The following PHYH variants were observed in gnomAD, a reference collection of about 807,000 sequenced individuals.
The protein encoded by PHYH is phytanoyl-CoA dioxygenase, peroxisomal.
PHYH carries 32 observed loss-of-function variants against 38.5 expected under a neutral mutation model. That is an observed-to-expected ratio of 0.83 (90% CI 0.63 to 1.12). PHYH has a LOEUF of 1.12. Among genes scored for constraint, PHYH ranks in the 50% most tolerant of loss-of-function variants. The probability of loss-of-function intolerance (pLI) is 0.00; values close to 1 mark genes in which losing one functional copy is unlikely to be tolerated. For missense variants in PHYH, 426 were observed against 434.8 expected, an observed-to-expected ratio of 0.98 and a Z score of 0.18; for synonymous variants, 166 against 157.9, an observed-to-expected ratio of 1.05 and a Z score of -0.38.
chr10:13,299,390 C>T, intron 1 of PHYH: 1 of 990,386 alleles, frequency 1.0e-6, no homozygotes, highest in Non-Finnish European at 1.2e-6. Flanking sequence ...AGACAACAGG[C>T]AAGGCGTGTG....
intron 7 of PHYH, among the ~76,000 whole-genome samples, chr10:13,281,399 GTTTTT>G (rs11430020): frequency 6.9e-6 from 1 of 145,152 alleles, no homozygotes; most frequent in Non-Finnish European, 1.5e-5. Flanking sequence ...GAGGTATTTA[GTTTTT>G]TTTTTTTTTA....
intron 1 of PHYH, chr10:13,299,373 A>C: frequency 2.1e-6 from 2 of 945,666 alleles, no homozygotes; most frequent in Non-Finnish European, 2.6e-6. Flanking sequence ...GGCCCCCAGA[A>C]GAGCCGAGAC....
In PHYH at chr10:13,295,645, T is replaced by A. The variant is rs770684398; in HGVS notation, c.135-39A>T. Reference sequence around the variant, plus strand: ...AGAATCCCAAAATAAGTTACATTTTTAAATTACAGGCTAGGCACAATGGCT... The same window carrying A: ...AGAATCCCAAAATAAGTTACATTTTAAAATTACAGGCTAGGCACAATGGCT... On this transcript the variant is annotated intron_variant, in intron 2 of 8. Coordinates refer to ENST00000263038, the MANE Select transcript of PHYH (RefSeq NM_006214.4). The A allele has an allele frequency of 2.7e-5, 24 of 885,140 alleles. 1 individual carries two copies. Among genetic ancestry groups the A allele is most frequent in the South Asian group, 2.5e-4 (19 of 76,372 alleles). 54.8% of individuals were successfully genotyped at this position (885,140 alleles called of 1,614,324 possible).
intron 6 of PHYH, among the ~76,000 whole-genome samples, chr10:13,285,596 C>A (rs1835527666): frequency 1.5e-5 from 2 of 135,026 alleles, no homozygotes; most frequent in South Asian, 2.6e-4. Flanking sequence ...ATTCCAGGAT[C>A]TTTTCTTTTC....
At position 13,278,597 on chromosome 10, in the gene PHYH, C is replaced by T. The variant is rs138011320; in HGVS notation, c.964-243G>A. Among the ~76,000 whole-genome samples, 977 of 151,452 alleles carry T rather than the reference C, an allele frequency of 6.5e-3. 11 individuals are homozygous for T. The highest frequency in any genetic ancestry group is 0.022 in the South Asian group (105 of 4,770). On this transcript the variant is annotated intron_variant, in intron 8 of 8. Transcript: ENST00000263038. ...CCCCATTGCCCAGGCTGGAGTGCAG[C>T]GGCTCACTGCAACCTCTGCCTCCCG...
intron 4 of PHYH, among the ~76,000 whole-genome samples, chr10:13,293,501 C>T (rs1835762739): frequency 1.3e-5 from 2 of 152,098 alleles, no homozygotes; most frequent in Non-Finnish European, 2.9e-5. Flanking sequence ...TGGGTTTCAC[C>T]ATGTGTCTCA....
chr10:13,284,123 G>T (rs1835486398), intron 6 of PHYH, among the ~76,000 whole-genome samples: 1 of 152,124 alleles, frequency 6.6e-6, no homozygotes, highest in Non-Finnish European at 1.5e-5. Flanking sequence ...AGGAGTTTGA[G>T]ATCAGCCTGG....
chr10:13,288,166 A>C (rs1835601636), intron 6 of PHYH, among the ~76,000 whole-genome samples, 194 bp downstream of exon 6: 1 of 152,210 alleles, frequency 6.6e-6, no homozygotes, highest in African/African-American at 2.4e-5. Flanking sequence ...AAACAAAAAA[A>C]GTGTTGAAAA....
intron 6 of PHYH, among the ~76,000 whole-genome samples, chr10:13,287,208 G>A (rs1564423322): frequency 6.6e-6 from 1 of 151,702 alleles, no homozygotes; most frequent in Non-Finnish European, 1.5e-5. Flanking sequence ...GTGTGGTGGT[G>A]CGCGCCTATA....
chr10:13,283,852 G>A lies in PHYH; in HGVS notation c.679-13C>T, dbSNP rs1303728451. On this transcript the variant is annotated splice_polypyrimidine_tract_variant and intron_variant, in intron 6 of 8. Transcript: ENST00000263038. ...TGTTAACTCCCCCCTAGAACAAGAG[G>A]CAAGTGAAGTCTACATTTGAGGGAG... 29 of 1,611,640 alleles carry A rather than the reference G, an allele frequency of 1.8e-5. No individual in the cohort carries two copies. The highest frequency in any genetic ancestry group is 2.5e-5 in the Non-Finnish European group (29 of 1,177,870).
At chr10:13,292,603 C>G (rs532304419) in intron 4 of PHYH, among the ~76,000 whole-genome samples, 1 of 152,228 alleles carries the variant, frequency 6.6e-6, no homozygotes, top group African/African-American at 2.4e-5. Context: ...ACCTTGTGTA[C>G]AGAACCCAGC....
In PHYH at chr10:13,298,385, G is replaced by T. The variant is rs1832634205; in HGVS notation, c.76-140C>A. Reference sequence around the variant, plus strand: ...AGTTCGAGACCAGCCTGGCCAACATGGTGAAACCCCATCTCTACTAAAAAT... The same window carrying T: ...AGTTCGAGACCAGCCTGGCCAACATTGTGAAACCCCATCTCTACTAAAAAT... On this transcript the variant is annotated intron_variant, in intron 1 of 8. Transcript: ENST00000263038. The T allele has an allele frequency of 1.1e-5, 7 of 612,060 alleles. No individual in the cohort carries two copies. The East Asian group carries it at 2.3e-4, about 20-fold the overall frequency. 37.9% of individuals were successfully genotyped at this position (612,060 alleles called of 1,614,324 possible). A position where few individuals can be genotyped will look rare whatever the true frequency, so the allele number is the denominator to read the frequency against.
intron 5 of PHYH, among the ~76,000 whole-genome samples, chr10:13,289,966 G>T (rs1386833227): frequency 2.2e-5 from 3 of 137,614 alleles, no homozygotes; most frequent in African/African-American, 8.1e-5. Context: ...AAAAGAAAAA[G>T]AAAAAAAAAC....
Position 13,291,727 on chromosome 10 carries a change from C to T in PHYH, c.496+104G>A, listed in dbSNP as rs1170442947. On this transcript the variant is annotated intron_variant, in intron 5 of 8. Transcript: ENST00000263038. Reference sequence around the variant, plus strand: ...ACTCCTGGCCTCAGAGATCTTCCTCCCTTGGTCTCCTAAAATGCTGGGATT... The same window carrying T: ...ACTCCTGGCCTCAGAGATCTTCCTCTCTTGGTCTCCTAAAATGCTGGGATT... 5 of 767,344 alleles carry T rather than the reference C, an allele frequency of 6.5e-6. No individual in the cohort carries two copies. In the African/African-American group the frequency reaches 6.8e-5, roughly 10 times the overall value. 47.5% of individuals were successfully genotyped at this position (767,344 alleles called of 1,614,324 possible).
intron 8 of PHYH, among the ~76,000 whole-genome samples, chr10:13,279,625 G>T (rs998547085): frequency 6.6e-6 from 1 of 152,130 alleles, no homozygotes; most frequent in African/African-American, 2.4e-5. Context: ...TTTTGGTGAA[G>T]AAAATAAGAA....
intron 1 of PHYH, chr10:13,299,540 TCC>T (rs1832688810): frequency 1.3e-5 from 13 of 1,009,286 alleles, no homozygotes; most frequent in Non-Finnish European, 1.4e-5. Context: ...CACCGTCCTC[TCC>T]CCTCCGGAGA....
chr10:13,277,969 C>A lies in PHYH; in HGVS notation c.*332G>T. On this transcript the variant is annotated 3_prime_UTR_variant, in exon 9 of 9. Transcript: ENST00000263038. Reference sequence around the variant, plus strand: ...AAGGGGATACAAAACATACCCTAAGCTCCAAATCATTCACTTCTTCTTGGG... The same window carrying A: ...AAGGGGATACAAAACATACCCTAAGATCCAAATCATTCACTTCTTCTTGGG... The A allele has an allele frequency of 2.8e-6, 1 of 353,892 alleles. No homozygotes were observed. Among genetic ancestry groups the A allele is most frequent in the Non-Finnish European group, 5.4e-6 (1 of 184,566 alleles). 21.9% of individuals were successfully genotyped at this position (353,892 alleles called of 1,614,324 possible).
chr10:13,281,262 T>G, intron 7 of PHYH, 152 bp from the exon 8 acceptor site: 1 of 763,824 alleles, frequency 1.3e-6, no homozygotes, highest in Non-Finnish European at 2.2e-6. Flanking sequence ...TGTCAATCTC[T>G]TTGTAACTAA....
chr10:13,299,767 G>A, intron 1 of PHYH: 3 of 1,309,212 alleles, frequency 2.3e-6, no homozygotes, highest in Non-Finnish European at 2.9e-6. Flanking sequence ...GCGGCCGCGC[G>A]TGTCCTCGGG....
Sources: gnomAD v4.1 joint callset for allele counts (sites outside exome capture counted in the v4.1 genomes callset) on GRCh38, gnomAD v4.1.1 for gene constraint, MANE v1.5 for transcripts, NCBI Gene and HGNC (gene_info 2026-07-23, HGNC 2026-07-21) for gene names.